CCDC183: variants seen among roughly 807,000 people sequenced by gnomAD.
CCDC183 encodes coiled-coil domain-containing protein 183.
CCDC183 carries 63 observed loss-of-function variants against 65.2 expected under a neutral mutation model. The observed-to-expected ratio is 0.97, with a 90% CI of 0.79 to 1.19. The LOEUF is 1.19. Ranked by LOEUF, CCDC183 falls within the 50% of genes most tolerant of loss-of-function variation. The pLI, the probability that CCDC183 is intolerant of heterozygous loss-of-function variation, is 0.00. For missense variants in CCDC183, 769 were observed against 689.3 expected (o/e 1.12, Z -1.30); for synonymous variants, 323 against 276.5 (o/e 1.17, Z -1.67).
At position 136,806,561 on chromosome 9, in the gene CCDC183, C is replaced by T. The variant is rs371817630; in HGVS notation, c.1167C>T (p.Leu389=). ...TGCTAAAAGAGGAAGAAGAGAGGCT[C>T]CAGCTGGCGCACAGCAACATGACCA... ...TDMLKEEEER[L]QLAHSNMTKG... The change falls in exon 11 of 14, where the codon CTC becomes CTT. Residue 389 remains leucine (L), a synonymous_variant. Transcript: ENST00000338005. 77 of 1,613,548 alleles carry T rather than the reference C, an allele frequency of 4.8e-5. No homozygotes were observed. The African/African-American group carries it at 8.9e-4, about 19-fold the overall frequency.
At chr9:136,799,861 C>A (rs1332253074) in intron 3 of CCDC183, 71 bp downstream of exon 3, 2 of 1,364,598 alleles carry the variant, frequency 1.5e-6, no homozygotes, top group African/African-American at 1.5e-5. Context: ...CTAGATGTTG[C>A]GGAGCCGACG....
intron 5 of CCDC183, among the ~76,000 whole-genome samples, chr9:136,801,480 C>T (rs1259031349): frequency 2.6e-5 from 4 of 151,978 alleles, no homozygotes; most frequent in South Asian, 2.1e-4. Flanking sequence ...CCAAGGCAGG[C>T]GGATCACTTG....
At chr9:136,805,302 C>T in intron 8 of CCDC183, 55 bp from the exon 9 acceptor site, 8 of 1,455,062 alleles carry the variant, frequency 5.5e-6, no homozygotes, top group Non-Finnish European at 7.6e-6. Context: ...CAGCCTTACA[C>T]AGAGCCCCTG....
rs1433697799 is a variant in CCDC183 at position 136,806,087 on chromosome 9, A to G, written c.958A>G (p.Ser320Gly). 2 of 1,550,420 alleles carry G rather than the reference A, an allele frequency of 1.3e-6. No individual in the cohort carries two copies. Among genetic ancestry groups the G allele is most frequent in the Admixed American group, 2.0e-5 (1 of 51,078 alleles). Residue 320 changes from serine to glycine, a missense_variant, in exon 10 of 14, where the codon AGC becomes GGC. Transcript: ENST00000338005. ...VRCSHVWDITSRFLAQRNTEE... is the reference protein window; with the variant it reads ...VRCSHVWDITGRFLAQRNTEE... ...CCCCCGGACTGGCCAGGACATCACT[A>G]GCCGCTTCCTGGCCCAGAGGAACAC...
chr9:136,807,322 C>T, intron 13 of CCDC183: 2 of 649,260 alleles, frequency 3.1e-6, no homozygotes, highest in Non-Finnish European at 5.2e-6. Flanking sequence ...GGAGAGGCAC[C>T]AGGGCTGGAG....
Position 136,804,612 on chromosome 9 carries a change from C to G in CCDC183, c.777C>G (p.Ser259Arg). The G allele has an allele frequency of 5.0e-6, 8 of 1,613,700 alleles. No individual in the cohort carries two copies. The highest frequency in any genetic ancestry group is 6.8e-6 in the Non-Finnish European group (8 of 1,179,946). The change falls in exon 7 of 14, where the codon AGC becomes AGG. Residue 259 changes from serine (S) to arginine (R), a missense_variant. Transcript: ENST00000338005. This position sits in a 1 kb window ranked among gnomAD's most constrained non-coding sequence, Gnocchi z 4.1. ...LIDKIHTKET[S>R]EKYRRGQMDL... ...ACAAGATCCACACGAAGGAGACCAG[C>G]GAGAAGTACCGCCGGGTAAGCCCCA...
intron 1 of CCDC183, 89 bp downstream of exon 1, chr9:136,796,556 T>A (rs931263352): frequency 7.3e-5 from 63 of 861,226 alleles, no homozygotes; most frequent in Admixed American, 1.9e-4. Context: ...GAGATCAGAT[T>A]GTTACTGTCT....
intron 5 of CCDC183, among the ~76,000 whole-genome samples, chr9:136,801,348 G>A (rs1176253569): frequency 6.9e-6 from 1 of 144,776 alleles, no homozygotes; most frequent in African/African-American, 2.6e-5. Context: ...CCCCTCCTTC[G>A]CCTGGGTGCT....
chr9:136,802,590 T>TA, intron 5 of CCDC183, 74 bp from the exon 6 acceptor site: 1 of 1,535,088 alleles, frequency 6.5e-7, no homozygotes, highest in African/African-American at 1.4e-5. Flanking sequence ...TCAGGGCTCT[T>TA]AGTCGGGGGA....
rs370980588 is a variant in CCDC183 at position 136,806,748 on chromosome 9, G to C, written c.1279-9G>C. On this transcript the variant is annotated splice_polypyrimidine_tract_variant and intron_variant, in intron 11 of 13. Transcript: ENST00000338005. ...AGAGGGGAGATGAGACCCTCCTCCC[G>C]GCCTACAGAGAGAAGTGGTGCTCTC... The C allele has an allele frequency of 3.1e-6, 5 of 1,613,454 alleles. No homozygotes were observed. Among genetic ancestry groups the C allele is most frequent in the Non-Finnish European group, 2.5e-6 (3 of 1,180,022 alleles).
At chr9:136,806,044 C>T in intron 9 of CCDC183, 34 bp from the exon 10 acceptor site, 1 of 1,538,608 alleles carries the variant, frequency 6.5e-7, no homozygotes, top group Non-Finnish European at 8.8e-7. Context: ...CCATCCTGGC[C>T]CACACCTGCT....
rs753565690 is a variant in CCDC183 at position 136,807,593 on chromosome 9, T to G, written c.1508T>G (p.Met503Arg). The change falls in exon 14 of 14, where the codon ATG becomes AGG. Residue 503 changes from methionine to arginine, a missense_variant. By Grantham distance (91) the Met-to-Arg change is moderately conservative. Coordinates refer to ENST00000338005, the MANE Select transcript of CCDC183 (RefSeq NM_001039374.5). ...DMIDTFQFPD[M>R]DHSYVPSRAE... ...GCAGACACCTTCCAGTTCCCCGACA[T>G]GGACCACAGCTACGTCCCTTCGCGC... 8.1e-6 allele frequency: 13 copies of G among 1,606,030 alleles called. No homozygotes were observed. The highest frequency in any genetic ancestry group is 3.4e-5 in the Admixed American group (2 of 59,306).
intron 1 of CCDC183, 25 bp from the exon 2 acceptor site, chr9:136,799,077 C>T: frequency 6.2e-7 from 1 of 1,612,138 alleles, no homozygotes; most frequent in Non-Finnish European, 8.5e-7. Context: ...ATCCTAGCCA[C>T]TGTGTCCCCT....
chr9:136,807,088 C>T lies in CCDC183; in HGVS notation c.1486+22C>T, dbSNP rs541761966. Reference sequence around the variant, plus strand: ...ATCGGTACAGGCCCCGGAACTGGGGCCCGGGCTGCAGGCGGGTGGCTGGAA... The same window carrying T: ...ATCGGTACAGGCCCCGGAACTGGGGTCCGGGCTGCAGGCGGGTGGCTGGAA... On this transcript the variant is annotated intron_variant, in intron 13 of 13. Coordinates refer to ENST00000338005, the MANE Select transcript of CCDC183 (RefSeq NM_001039374.5). 117 of 1,610,680 alleles carry T rather than the reference C, an allele frequency of 7.3e-5. 1 individual carries two copies. The South Asian group carries it at 9.0e-4, about 12-fold the overall frequency.
Position 136,804,873 on chromosome 9 carries a change from T to C in CCDC183, c.847+57T>C. 1 of 1,468,430 alleles carries C rather than the reference T, an allele frequency of 6.8e-7. No individual in the cohort carries two copies. The highest frequency in any genetic ancestry group is 1.7e-5 in the Admixed American group (1 of 58,172). The allele number at this position is 1,468,430 out of a possible 1,614,324, so 91.0% of individuals were successfully genotyped here. On this transcript the variant is annotated intron_variant, in intron 8 of 13. Coordinates refer to ENST00000338005, the MANE Select transcript of CCDC183 (RefSeq NM_001039374.5). This position sits in a 1 kb window ranked among gnomAD's most constrained non-coding sequence, Gnocchi z 4.1. ...CAGGGTCCCAAGGAGAGGCTGGCAC[T>C]GATTCAGGCCAACGGATCAAGTCAC...
chr9:136,798,953 C>A, intron 1 of CCDC183, 149 bp from the exon 2 acceptor site: 1 of 1,044,198 alleles, frequency 9.6e-7, no homozygotes, highest in Non-Finnish European at 1.4e-6. Flanking sequence ...TCCCCCAGGA[C>A]AGGGCGGGAG....
At position 136,806,219 on chromosome 9, in the gene CCDC183, C is replaced by T. The variant is rs1297439475; in HGVS notation, c.1090C>T (p.Gln364Ter). Residue 364 changes from glutamine to a stop codon, truncating the protein, a stop_gained, in exon 10 of 14, where the codon CAG (glutamine) becomes TAG (stop). Coordinates refer to ENST00000338005, the MANE Select transcript of CCDC183 (RefSeq NM_001039374.5). LOFTEE classifies it high-confidence loss of function. ...ELEEAVLKFR[Q>*]KPSSISFKSV... ...GGAGGAGGCCGTGCTCAAGTTCCGC[C>T]AGAAGCCTAGCTCCATCAGGTGCCC... is the stretch of plus-strand genomic sequence containing the variant. 7.5e-6 allele frequency: 12 copies of T among 1,591,472 alleles called. No homozygotes were observed. Among genetic ancestry groups the T allele is most frequent in the Non-Finnish European group, 1.0e-5 (12 of 1,169,054 alleles).
intron 2 of CCDC183, 72 bp downstream of exon 2, chr9:136,799,295 CG>C: frequency 6.6e-7 from 1 of 1,509,472 alleles, no homozygotes; most frequent in Non-Finnish European, 8.8e-7. Flanking sequence ...ACTCGGAGGG[CG>C]GGCACCTCCT....
Position 136,806,156 on chromosome 9 carries a change from C to T in CCDC183, c.1027C>T (p.Arg343Trp), listed in dbSNP as rs200063481. Residue 343 changes from arginine (R) to tryptophan (W), a missense_variant, in exon 10 of 14, where the codon CGG (arginine) becomes TGG (tryptophan). Arg to Trp is a moderately radical substitution (Grantham distance 101, BLOSUM62 -3). Coordinates refer to ENST00000338005, the MANE Select transcript of CCDC183 (RefSeq NM_001039374.5). ...ELQMEDCEEW[R>W]VQLKALVKQL... is the part of the protein sequence containing the mutation. Reference sequence around the variant, plus strand: ...GCAGATGGAGGACTGTGAGGAGTGGCGGGTGCAGCTGAAGGCCCTGGTGAA... The same window carrying T: ...GCAGATGGAGGACTGTGAGGAGTGGTGGGTGCAGCTGAAGGCCCTGGTGAA... 96 of 1,551,078 alleles carry T rather than the reference C, an allele frequency of 6.2e-5. No homozygotes were observed. The African/African-American group carries it at 1.0e-3, about 17-fold the overall frequency.
Sources: gnomAD v4.1 joint callset for allele counts (sites outside exome capture counted in the v4.1 genomes callset) on GRCh38, gnomAD v4.1.1 for gene constraint, Gnocchi (gnomAD v3.1) non-coding constraint, MANE v1.5 for transcripts, NCBI Gene and HGNC (gene_info 2026-07-23, HGNC 2026-07-21) for gene names.